COMMD1: variants seen among roughly 807,000 people sequenced by gnomAD.
The protein encoded by COMMD1 is copper metabolism domain containing 1.
Under a neutral mutation model 17.2 loss-of-function variants are expected in COMMD1, and 10 were observed. That is an observed-to-expected ratio of 0.58 (90% confidence interval 0.36 to 0.99). COMMD1 has a LOEUF of 0.99. Among genes scored for constraint, COMMD1 ranks in the 50% least tolerant of loss-of-function variants. The pLI is 0.01. For missense variants in COMMD1, 270 were observed against 231.8 expected, an observed-to-expected ratio of 1.17 and a Z score of -1.07; for synonymous variants, 97 against 91.6, an observed-to-expected ratio of 1.06 and a Z score of -0.34.
At chr2:61,957,234 A>C (rs1449711279) in intron 1 of COMMD1, among the ~76,000 whole-genome samples, 1 of 152,002 alleles carries the variant, frequency 6.6e-6, no homozygotes, top group Non-Finnish European at 1.5e-5. Context: ...CAGGGATTAC[A>C]GGTGTAGGTT....
At chr2:61,949,637 C>T (rs1670998884) in intron 1 of COMMD1, among the ~76,000 whole-genome samples, 1 of 149,922 alleles carries the variant, frequency 6.7e-6, no homozygotes, top group Non-Finnish European at 1.5e-5. Flanking sequence ...TTGTCAATTC[C>T]AGATCAAGGC....
At chr2:62,070,541 C>T (rs1356769392) in intron 2 of COMMD1, among the ~76,000 whole-genome samples, 1 of 104,028 alleles carries the variant, frequency 9.6e-6, no homozygotes, top group Non-Finnish European at 1.8e-5. Context: ...GAGCAAGACC[C>T]TGTCTCTAAA....
chr2:61,986,304 C>A (rs1040343078), intron 1 of COMMD1, among the ~76,000 whole-genome samples: 1 of 152,010 alleles, frequency 6.6e-6, no homozygotes, highest in African/African-American at 2.4e-5. Flanking sequence ...CTTTTAGGAT[C>A]CTTTCTTTAT....
rs1668910286 is a variant in COMMD1, at chr2:62,000,757, A to G, written c.237A>G (p.Gln79=). ...FNQLEAFLTA[Q]TKKQGGITSD... Reference sequence around the variant, plus strand: ...AGCTGGAGGCATTCTTGACTGCTCAAACCAAAAAGCAAGGTGGGATCACAT... The same window carrying G: ...AGCTGGAGGCATTCTTGACTGCTCAGACCAAAAAGCAAGGTGGGATCACAT... The change falls in exon 2 of 3, where the codon CAA becomes CAG. Residue 79 remains glutamine (Q), a synonymous_variant. Transcript: ENST00000311832. 2 of 1,614,184 alleles carry G rather than the reference A, an allele frequency of 1.2e-6. No homozygotes were observed. The highest frequency in any genetic ancestry group is 1.6e-4 in the Middle Eastern group (1 of 6,062).
At chr2:62,089,536 G>A (rs1558594198) in intron 2 of COMMD1, among the ~76,000 whole-genome samples, 1 of 152,222 alleles carries the variant, frequency 6.6e-6, no homozygotes, top group East Asian at 1.9e-4. Flanking sequence ...ACCTGCCTCG[G>A]CCTCTCAAAG....
intron 1 of COMMD1, among the ~76,000 whole-genome samples, chr2:61,940,512 G>C (rs1312739464): frequency 6.6e-6 from 1 of 152,164 alleles, no homozygotes; most frequent in Non-Finnish European, 1.5e-5. Context: ...TCCCAGCAGG[G>C]AGTTGAGCCA....
At chr2:62,060,325 T>A (rs1215905901) in intron 2 of COMMD1, among the ~76,000 whole-genome samples, 1 of 152,108 alleles carries the variant, frequency 6.6e-6, no homozygotes, top group Non-Finnish European at 1.5e-5. Context: ...AGTGAGATGC[T>A]GTCTCCAAAA....
chr2:61,929,057 A>G (rs1670398341), intron 1 of COMMD1, among the ~76,000 whole-genome samples: 1 of 152,248 alleles, frequency 6.6e-6, no homozygotes, highest in Non-Finnish European at 1.5e-5. Flanking sequence ...TTGGTTCCAG[A>G]GGTTCAAAGC....
intron 2 of COMMD1, among the ~76,000 whole-genome samples, chr2:62,130,167 A>AAAC (rs1262370579): frequency 6.6e-6 from 1 of 151,500 alleles, no homozygotes; most frequent in Non-Finnish European, 1.5e-5. Flanking sequence ...AAAAAAAAAA[A>AAAC]AACAAACAAA....
chr2:62,016,744 T>C (rs1197030806), intron 2 of COMMD1, among the ~76,000 whole-genome samples: 1 of 152,192 alleles, frequency 6.6e-6, no homozygotes, highest in Non-Finnish European at 1.5e-5. Flanking sequence ...ATTTTTACTT[T>C]TGTTGCCTGT....
chr2:61,952,721 ATTCT>A (rs1671090880), intron 1 of COMMD1, among the ~76,000 whole-genome samples: 1 of 152,166 alleles, frequency 6.6e-6, no homozygotes, highest in African/African-American at 2.4e-5. Flanking sequence ...TATTAATTAA[ATTCT>A]TTCTTTACTG....
chr2:61,898,215 C>G (rs1206716155), intron 1 of COMMD1, among the ~76,000 whole-genome samples: 1 of 152,156 alleles, frequency 6.6e-6, no homozygotes, highest in Non-Finnish European at 1.5e-5. Context: ...GTGGCTTACA[C>G]CTGTAATCAC....
intron 2 of COMMD1, among the ~76,000 whole-genome samples, chr2:62,123,131 G>A (rs1196638628): frequency 1.3e-5 from 2 of 152,174 alleles, no homozygotes; most frequent in East Asian, 3.9e-4. Flanking sequence ...GGCCAAGCCA[G>A]GGGGATTGCT....
At chr2:62,097,025 T>C (rs2104011739) in intron 2 of COMMD1, among the ~76,000 whole-genome samples, 2 of 152,314 alleles carry the variant, frequency 1.3e-5, no homozygotes, top group Middle Eastern at 3.4e-3. Context: ...AAAAAGATAC[T>C]GGCTATTTTG....
chr2:62,007,446 A>C (rs1363018505), intron 2 of COMMD1, among the ~76,000 whole-genome samples: 1 of 152,162 alleles, frequency 6.6e-6, no homozygotes, highest in East Asian at 1.9e-4. Flanking sequence ...TAATTTCTAA[A>C]TTTCTTTTGA....
chr2:61,934,984 G>A (rs897033231), intron 1 of COMMD1, among the ~76,000 whole-genome samples: 1 of 152,176 alleles, frequency 6.6e-6, no homozygotes, highest in Non-Finnish European at 1.5e-5. Flanking sequence ...GAAGAACAAG[G>A]TTATTTCCTG....
chr2:62,034,538 A>G (rs1026516235), intron 2 of COMMD1, among the ~76,000 whole-genome samples: 4 of 152,128 alleles, frequency 2.6e-5, no homozygotes, highest in Non-Finnish European at 4.4e-5. Flanking sequence ...TGGTGTACCT[A>G]CCACTAATTT....
intron 1 of COMMD1, among the ~76,000 whole-genome samples, chr2:61,918,976 A>G (rs1412608372): frequency 6.6e-6 from 1 of 152,012 alleles, no homozygotes; most frequent in East Asian, 1.9e-4. Flanking sequence ...AAATTTGGAG[A>G]TGGTTTCTGT....
At chr2:62,087,234 A>G (rs550523818) in intron 2 of COMMD1, among the ~76,000 whole-genome samples, 1 of 152,302 alleles carries the variant, frequency 6.6e-6, no homozygotes, top group East Asian at 1.9e-4. Context: ...ATTCTTCATA[A>G]TTTTTGTTCA....
Sources: gnomAD v4.1 joint callset for allele counts (sites outside exome capture counted in the v4.1 genomes callset) on GRCh38, gnomAD v4.1.1 for gene constraint, MANE v1.5 for transcripts, NCBI Gene and HGNC (gene_info 2026-07-23, HGNC 2026-07-21) for gene names.